Variants in FARP1 observed in about 807,000 individuals in gnomAD.
FARP1 encodes FERM, ARHGEF and pleckstrin domain-containing protein 1.
In FARP1, 52 loss-of-function variants were observed where a neutral mutation model predicts 128.8. That is an observed-to-expected ratio of 0.40 (90% CI 0.32 to 0.51). The LOEUF is 0.51. Among genes scored for constraint, FARP1 ranks in the 20% least tolerant of loss-of-function variants. FARP1 has a pLI of 0.45. For synonymous variants in FARP1, 580 were observed against 551.8 expected (o/e 1.05, Z -0.72); for missense variants, 1,333 against 1,367.9 (o/e 0.97, Z 0.40).
At chr13:98,287,938 A>C (rs1435757405) in intron 2 of FARP1, among the ~76,000 whole-genome samples, 1 of 151,722 alleles carries the variant, frequency 6.6e-6, no homozygotes, top group Non-Finnish European at 1.5e-5. Flanking sequence ...AGTAGCTGGG[A>C]CTACGGGCAC....
Position 98,446,741 on chromosome 13 carries a change from A to C in FARP1, c.2980A>C (p.Lys994Gln). Residue 994 changes from lysine to glutamine, a missense_variant, in exon 26 of 27, where the codon AAA (lysine) becomes CAA (glutamine). Lys to Gln is a moderately conservative substitution (Grantham distance 53, BLOSUM62 1). This residue lies in a region of FARP1 where 1,009 missense variants were observed against 969.8 expected (regional missense o/e 1.04). Coordinates refer to ENST00000319562, the MANE Select transcript of FARP1 (RefSeq NM_005766.4). ...CCCCTCTGAGTCCGAGAACATCCAG[A>C]AAGACTACGTGTTCAAGCTGCACTT... ...TIPSESENIQKDYVFKLHFKS... is the reference protein window; with the variant it reads ...TIPSESENIQQDYVFKLHFKS... 1 of 1,614,160 alleles carries C rather than the reference A, an allele frequency of 6.2e-7. No individual in the cohort carries two copies. The highest frequency in any genetic ancestry group is 2.2e-5 in the East Asian group (1 of 44,862).
At chr13:98,318,546 G>A (rs1322491217) in intron 2 of FARP1, among the ~76,000 whole-genome samples, 2 of 152,222 alleles carry the variant, frequency 1.3e-5, no homozygotes, top group Non-Finnish European at 2.9e-5. Flanking sequence ...CTTAATCAGG[G>A]AAGATGTGAC....
chr13:98,230,383 G>T (rs758063761), intron 2 of FARP1, among the ~76,000 whole-genome samples: 4 of 152,140 alleles, frequency 2.6e-5, no homozygotes, highest in Non-Finnish European at 5.9e-5. Context: ...TGCATAAATG[G>T]TTAAAGAAAT....
intron 2 of FARP1, among the ~76,000 whole-genome samples, chr13:98,230,056 G>A (rs868797987): frequency 5.2e-4 from 79 of 152,196 alleles, no homozygotes; most frequent in African/African-American, 1.9e-3. Flanking sequence ...GCCTAGTACC[G>A]TAGGATAAAT....
rs567827962 is a variant in FARP1, at chr13:98,343,466, A to G, written c.172-296A>G. ...AAGAAGTTTTTGCTCAACTTTTTGTAAACCTAAAACTACTCTAAAAAAATA... is the reference window on the plus strand; with the variant it reads ...AAGAAGTTTTTGCTCAACTTTTTGTGAACCTAAAACTACTCTAAAAAAATA... On this transcript the variant is annotated intron_variant, in intron 2 of 26. Coordinates refer to ENST00000319562, the MANE Select transcript of FARP1 (RefSeq NM_005766.4). Among the ~76,000 whole-genome samples, 5 of 152,374 alleles carry G rather than the reference A, an allele frequency of 3.3e-5. No homozygotes were observed. The East Asian group carries it at 9.6e-4, about 29-fold the overall frequency.
chr13:98,200,396 C>CCCCCCCGG (rs1555327094), intron 1 of FARP1, among the ~76,000 whole-genome samples: 21 of 147,134 alleles, frequency 1.4e-4, no homozygotes, highest in African/African-American at 5.4e-4. Context: ...CACCCCCCCC[C>CCCCCCCGG]CCTCCCCTTT....
At chr13:98,361,482 T>C (rs1260090830) in intron 3 of FARP1, among the ~76,000 whole-genome samples, 4 of 152,192 alleles carry the variant, frequency 2.6e-5, no homozygotes, top group Non-Finnish European at 5.9e-5. Flanking sequence ...CATTGATTCG[T>C]CCTGGGGAGT....
chr13:98,206,897 C>T (rs752712481), intron 1 of FARP1, among the ~76,000 whole-genome samples: 92 of 152,242 alleles, frequency 6.0e-4, no homozygotes, highest in Admixed American at 1.2e-3. Context: ...GACTATTCCT[C>T]AAGAATTTCA....
intron 1 of FARP1, among the ~76,000 whole-genome samples, chr13:98,167,487 G>A (rs181141479): frequency 5.6e-4 from 83 of 146,922 alleles, no homozygotes; most frequent in African/African-American, 2.0e-3. Context: ...TCAGCTCAAT[G>A]CAGCCTCTGC....
chr13:98,306,442 T>C (rs1250131957), intron 2 of FARP1, among the ~76,000 whole-genome samples: 1 of 152,234 alleles, frequency 6.6e-6, no homozygotes, highest in Non-Finnish European at 1.5e-5. Flanking sequence ...CTTGCTTGAA[T>C]ACAGTTACAA....
intron 1 of FARP1, among the ~76,000 whole-genome samples, chr13:98,188,832 T>C (rs1879051648): frequency 6.6e-6 from 1 of 152,348 alleles, no homozygotes; most frequent in South Asian, 2.1e-4. Flanking sequence ...ACGCATGTCC[T>C]GCACATCCGA....
At chr13:98,333,590 T>C (rs1887609478) in intron 2 of FARP1, 1 of 152,338 alleles carries the variant, frequency 6.6e-6, no homozygotes, top group Non-Finnish European at 1.5e-5. Context: ...GGGCCCATTC[T>C]CTTCACAGCC....
chr13:98,210,382 C>G (rs2139313022), intron 1 of FARP1, among the ~76,000 whole-genome samples: 1 of 152,176 alleles, frequency 6.6e-6, no homozygotes, highest in Middle Eastern at 3.4e-3. Flanking sequence ...ACCCATAGCC[C>G]AGACCCAGCC....
At chr13:98,373,535 C>CAGACAGACAG (rs373038953) in intron 5 of FARP1, among the ~76,000 whole-genome samples, 1 of 56,770 alleles carries the variant, frequency 1.8e-5, no homozygotes, top group African/African-American at 5.2e-5. Flanking sequence ...GACAGACAGA[C>CAGACAGACAG]ACACACACAC....
intron 6 of FARP1, chr13:98,383,914 A>AT (rs1210563062): frequency 6.6e-6 from 1 of 152,128 alleles, no homozygotes; most frequent in Non-Finnish European, 1.5e-5. Flanking sequence ...TAAACTCATA[A>AT]TTTTTTTAAG....
chr13:98,207,721 G>A (rs1016444832), intron 1 of FARP1, among the ~76,000 whole-genome samples: 2 of 152,114 alleles, frequency 1.3e-5, no homozygotes, highest in African/African-American at 2.4e-5. Flanking sequence ...AGTGCATGGA[G>A]GGGCTGGGAA....
chr13:98,385,948 C>T (rs1890077868), intron 8 of FARP1, 134 bp downstream of exon 8: 4 of 879,064 alleles, frequency 4.6e-6, no homozygotes, highest in South Asian at 1.8e-5. Flanking sequence ...AAATTAACCT[C>T]ATCTCAGGCT....
At chr13:98,351,258 T>C (rs1045194087) in intron 3 of FARP1, among the ~76,000 whole-genome samples, 1 of 152,102 alleles carries the variant, frequency 6.6e-6, no homozygotes, top group African/African-American at 2.4e-5. Context: ...ATAAGAAATG[T>C]GCTTGTGTTA....
chr13:98,384,751 A>C lies in FARP1; in HGVS notation c.518A>C (p.Glu173Ala). ...TTAGCTGAGATTGGGGATTTTGATG[A>C]AGCCTTGGACAGAGAGCACTTAGCA... ...IVQSEIGDFD[E>A]ALDREHLAKN... The change falls in exon 7 of 27, where the codon GAA becomes GCA. Residue 173 changes from glutamate to alanine, a missense_variant. Coordinates refer to ENST00000319562, the MANE Select transcript of FARP1 (RefSeq NM_005766.4). 2 of 1,612,186 alleles carry C rather than the reference A, an allele frequency of 1.2e-6. No homozygotes were observed. The highest frequency in any genetic ancestry group is 1.3e-5 in the African/African-American group (1 of 74,998).
Sources: gnomAD v4.1 joint callset for allele counts (sites outside exome capture counted in the v4.1 genomes callset) on GRCh38, gnomAD v4.1.1 for gene constraint, gnomAD v4.1.1 regional missense constraint, MANE v1.5 for transcripts, NCBI Gene and HGNC (gene_info 2026-07-23, HGNC 2026-07-21) for gene names.